The following ALK variants were observed in gnomAD, a reference collection of about 807,000 sequenced individuals.
ALK encodes ALK tyrosine kinase receptor.
In ALK, 74 loss-of-function variants were observed where a neutral mutation model predicts 163.1. That is an observed-to-expected ratio of 0.45 (90% CI 0.38 to 0.55). The LOEUF (loss-of-function observed/expected upper bound fraction) is 0.55. Ranked by LOEUF, ALK falls within the 20% of genes least tolerant of loss-of-function variation. The probability of loss-of-function intolerance (pLI) is 0.00; values close to 1 mark genes in which losing one functional copy is unlikely to be tolerated. For missense variants in ALK, 2,063 were observed against 2,105.3 expected (o/e 0.98, Z 0.39); for synonymous variants, 960 against 843.2 (o/e 1.14, Z -2.40).
intron 4 of ALK, among the ~76,000 whole-genome samples, chr2:29,424,269 AACAAT>A (rs1223371998): frequency 2.6e-5 from 4 of 152,182 alleles, no homozygotes; most frequent in Non-Finnish European, 5.9e-5. Flanking sequence ...TGACTTTCTT[AACAAT>A]ACAATATCAA....
intron 3 of ALK, among the ~76,000 whole-genome samples, chr2:29,538,980 T>C (rs142277970): frequency 5.2e-4 from 79 of 152,326 alleles, no homozygotes; most frequent in African/African-American, 1.8e-3. Flanking sequence ...CAGTATCACT[T>C]GACTCTTCTC....
chr2:29,567,418 C>G (rs925359135), intron 3 of ALK, among the ~76,000 whole-genome samples: 1 of 152,198 alleles, frequency 6.6e-6, no homozygotes, highest in Non-Finnish European at 1.5e-5. Context: ...GGGTCAAGTC[C>G]ATATTCTCCA....
chr2:29,289,831 G>A (rs112753841), intron 9 of ALK, among the ~76,000 whole-genome samples: 1 of 152,270 alleles, frequency 6.6e-6, no homozygotes, highest in African/African-American at 2.4e-5. Flanking sequence ...CCAGCAGAGG[G>A]AGGACTCACC....
intron 4 of ALK, among the ~76,000 whole-genome samples, chr2:29,493,807 G>A (rs923442680): frequency 2.0e-5 from 3 of 152,176 alleles, no homozygotes; most frequent in African/African-American, 4.8e-5. Flanking sequence ...CTCCCTGGAG[G>A]TACCATGCGA....
At chr2:29,685,967 TC>T (rs1678228201) in intron 3 of ALK, among the ~76,000 whole-genome samples, 1 of 152,186 alleles carries the variant, frequency 6.6e-6, no homozygotes, top group Non-Finnish European at 1.5e-5. Flanking sequence ...GACCTGTGCT[TC>T]CTTCTTCACA....
At chr2:29,810,239 G>T (rs4666277) in intron 1 of ALK, among the ~76,000 whole-genome samples, 128,357 of 151,894 alleles carry the variant, frequency 0.85, 54,484 homozygotes, top group Non-Finnish European at 0.87. Context: ...CTGGCCAACA[G>T]GGTGATACGC....
chr2:29,894,893 T>G (rs1667231055), intron 1 of ALK, among the ~76,000 whole-genome samples: 1 of 151,808 alleles, frequency 6.6e-6, no homozygotes, highest in African/African-American at 2.4e-5. Context: ...CATACTCCTC[T>G]TAAATGCACT....
intron 9 of ALK, among the ~76,000 whole-genome samples, chr2:29,278,376 A>G (rs1665598134): frequency 6.6e-6 from 1 of 152,202 alleles, no homozygotes; most frequent in Non-Finnish European, 1.5e-5. Flanking sequence ...TGGCAAGATC[A>G]AAGACCTCTT....
chr2:29,559,636 A>G (rs1388396297), intron 3 of ALK, among the ~76,000 whole-genome samples: 1 of 152,232 alleles, frequency 6.6e-6, no homozygotes, highest in African/African-American at 2.4e-5. Flanking sequence ...ATTGTAAAGC[A>G]TATTTATTTA....
At chr2:29,866,366 G>A (rs1430343969) in intron 1 of ALK, among the ~76,000 whole-genome samples, 2 of 152,188 alleles carry the variant, frequency 1.3e-5, no homozygotes, top group African/African-American at 4.8e-5. Context: ...ACAGCAGCAT[G>A]GTGCAACTCG....
chr2:29,340,966 A>T (rs1378195183), intron 5 of ALK, among the ~76,000 whole-genome samples: 3 of 152,180 alleles, frequency 2.0e-5, no homozygotes, highest in African/African-American at 7.2e-5. Flanking sequence ...ACTAGCACTC[A>T]GGGGATGGAG....
intron 1 of ALK, among the ~76,000 whole-genome samples, chr2:29,795,546 T>G (rs996985930): frequency 6.6e-6 from 1 of 152,196 alleles, no homozygotes; most frequent in Non-Finnish European, 1.5e-5. Flanking sequence ...CTGCAATCTT[T>G]ATAGGATAAA....
At chr2:29,261,105 C>T (rs1665077981) in intron 11 of ALK, among the ~76,000 whole-genome samples, 1 of 152,304 alleles carries the variant, frequency 6.6e-6, no homozygotes, top group Admixed American at 6.5e-5. Flanking sequence ...GCCGCTCCCA[C>T]TTTCAGAAGC....
At chr2:29,695,036 A>C in intron 2 of ALK, 22 bp from the exon 3 acceptor site, 1 of 1,613,936 alleles carries the variant, frequency 6.2e-7, no homozygotes, top group Non-Finnish European at 8.5e-7. Context: ...GCCAAGGGTC[A>C]ATGGAAAAAA....
At chr2:29,710,375 G>T (rs146035309) in intron 2 of ALK, among the ~76,000 whole-genome samples, 1 of 152,104 alleles carries the variant, frequency 6.6e-6, no homozygotes, top group East Asian at 1.9e-4. Flanking sequence ...TTCTCCTCCT[G>T]TCTCCCATTT....
intron 1 of ALK, among the ~76,000 whole-genome samples, chr2:29,831,422 T>G (rs1665417354): frequency 6.6e-6 from 1 of 151,884 alleles, no homozygotes; most frequent in Non-Finnish European, 1.5e-5. Flanking sequence ...TTGAGAAGCA[T>G]GCTTTAGAGC....
chr2:29,854,137 A>G (rs983797515), intron 1 of ALK, among the ~76,000 whole-genome samples: 1 of 152,040 alleles, frequency 6.6e-6, no homozygotes, highest in African/African-American at 2.4e-5. Context: ...CTCGCACGTC[A>G]TTGATCATGT....
At chr2:29,216,948 A>G (rs965862355) in intron 23 of ALK, among the ~76,000 whole-genome samples, 4 of 70,994 alleles carry the variant, frequency 5.6e-5, no homozygotes, top group Non-Finnish European at 1.4e-4. Context: ...TGTGTGTGGC[A>G]TGTGATGTGT....
At position 29,226,990 on chromosome 2, in the gene ALK, T is replaced by C. The variant is rs776287213; in HGVS notation, c.2999A>G (p.Glu1000Gly). 28 of 1,614,218 alleles carry C rather than the reference T, an allele frequency of 1.7e-5. No individual in the cohort carries two copies. The highest frequency in any genetic ancestry group is 1.6e-4 in the Middle Eastern group (1 of 6,062). Reference protein sequence around the residue: ...CEVDECHMDPESHKVICFCDH... With the variant: ...CEVDECHMDPGSHKVICFCDH... ...ACAGAAGCAGATGACCTTGTGGCTT[T>C]CAGGGTCCATGTGACATTCGTCTAC... The change falls in exon 18 of 29, where the codon GAA (glutamate) becomes GGA (glycine). Residue 1000 changes from glutamate (E) to glycine (G), a missense_variant. By Grantham distance (98) the Glu-to-Gly change is moderately conservative (BLOSUM62 -2). Coordinates refer to ENST00000389048, the MANE Select transcript of ALK (RefSeq NM_004304.5).
Sources: allele counts gnomAD v4.1 joint callset (sites outside exome capture counted in the v4.1 genomes callset), GRCh38; gene constraint gnomAD v4.1.1; transcripts MANE v1.5; gene names NCBI Gene and HGNC (gene_info 2026-07-23, HGNC 2026-07-21).